CDKL3: variants seen among roughly 807,000 people sequenced by gnomAD.
CDKL3 encodes the protein cyclin dependent kinase like 3, also known as cyclin-dependent kinase-like 3.
CDKL3 carries 65 observed loss-of-function variants against 69.3 expected under a neutral mutation model. The ratio of observed to expected loss-of-function variants is 0.94; its 90% CI spans 0.77 to 1.15. The LOEUF (loss-of-function observed/expected upper bound fraction) is 1.15. Ranked by LOEUF, CDKL3 falls within the 50% of genes most tolerant of loss-of-function variation. The probability of loss-of-function intolerance (pLI) is 0.00; values close to 1 mark genes in which losing one functional copy is unlikely to be tolerated. For synonymous variants in CDKL3, 202 were observed against 221.6 expected (o/e 0.91, Z 0.79); for missense variants, 652 against 689.2 (o/e 0.95, Z 0.61).
intron 3 of CDKL3, among the ~76,000 whole-genome samples, chr5:134,355,394 T>C (rs1398970155): frequency 1.3e-5 from 2 of 152,038 alleles, no homozygotes; most frequent in African/African-American, 4.8e-5. Context: ...AATGGAGACA[T>C]CCCTGGGGAA....
chr5:134,359,774 A>G, intron 3 of CDKL3, 123 bp downstream of exon 3: 1 of 715,720 alleles, frequency 1.4e-6, no homozygotes, highest in Non-Finnish European at 2.2e-6. Context: ...CCCCATTTTC[A>G]GGATGTCTAT....
Position 134,308,399 on chromosome 5 carries a change from C to T in CDKL3, c.1103G>A (p.Gly368Glu), listed in dbSNP as rs769746159. ...TTTCTTTTTTGGTTCTGAGATATCT[C>T]CTCTTCCTCCTTTGACTTTAATAAC... ...VRVIKVKGGRGDISEPKKKEY... is the reference protein window; with the variant it reads ...VRVIKVKGGREDISEPKKKEY... The change falls in exon 9 of 13, where the codon GGA becomes GAA. Residue 368 changes from glycine (G) to glutamate (E), a missense_variant. Transcript: ENST00000265334. 6.2e-7 allele frequency: 1 copy of T among 1,613,414 alleles called. No individual in the cohort carries two copies. Among genetic ancestry groups the T allele is most frequent in the Non-Finnish European group, 8.5e-7 (1 of 1,179,788 alleles).
At chr5:134,367,869 C>T (rs1757827149), upstream of CDKL3, among the ~76,000 whole-genome samples, 1 of 152,196 alleles carries the variant, frequency 6.6e-6, no homozygotes, top group African/African-American at 2.4e-5. Flanking sequence ...AGGCCAGTGT[C>T]TAACTGCTTA....
downstream of CDKL3, among the ~76,000 whole-genome samples, chr5:134,286,004 C>T (rs1456053255): frequency 6.6e-6 from 1 of 152,186 alleles, no homozygotes; most frequent in Non-Finnish European, 1.5e-5. Context: ...TGCCTATAGT[C>T]CCAGTTACTC....
At chr5:134,316,046 G>A (rs534568823) in intron 6 of CDKL3, among the ~76,000 whole-genome samples, 34 of 152,232 alleles carry the variant, frequency 2.2e-4, no homozygotes, top group African/African-American at 7.9e-4. Flanking sequence ...CAACCTCCCA[G>A]GCTCAAGTGA....
chr5:134,290,583 G>A (rs1269751174), intron 8 of CDKL3, among the ~76,000 whole-genome samples: 1 of 152,120 alleles, frequency 6.6e-6, no homozygotes, highest in Non-Finnish European at 1.5e-5. Flanking sequence ...CAAAGAAGGG[G>A]AGAGGCATAC....
intron 3 of CDKL3, among the ~76,000 whole-genome samples, chr5:134,352,214 C>T (rs1270135489): frequency 6.6e-6 from 1 of 152,030 alleles, no homozygotes; most frequent in Non-Finnish European, 1.5e-5. Flanking sequence ...AAATGATTTC[C>T]TTCTATTTTT....
chr5:134,311,567 G>A (rs751921191), intron 7 of CDKL3, among the ~76,000 whole-genome samples: 8 of 151,988 alleles, frequency 5.3e-5, no homozygotes, highest in Non-Finnish European at 1.0e-4. Flanking sequence ...CATTTGGGAA[G>A]TGCATGCTAA....
chr5:134,295,011 C>CTTTTT (rs869256167), downstream of CDKL3, among the ~76,000 whole-genome samples: 50 of 100,400 alleles, frequency 5.0e-4, no homozygotes, highest in Non-Finnish European at 6.1e-4. Flanking sequence ...ATTTTTTTTT[C>CTTTTT]TTTTTTTTTT....
chr5:134,299,650 C>T (rs1765832113), intron 12 of CDKL3: 6 of 1,514,098 alleles, frequency 4.0e-6, no homozygotes, highest in Non-Finnish European at 4.4e-6. Flanking sequence ...TTTTAAAAAA[C>T]CATACAGTGA....
chr5:134,371,082 C>A (rs1758352886), upstream of CDKL3: 3 of 216,520 alleles, frequency 1.4e-5, no homozygotes, highest in Admixed American at 1.1e-4. Context: ...GATACTTCTC[C>A]CCCTCCCACT....
chr5:134,302,637 T>C lies in CDKL3; in HGVS notation c.1672A>G (p.Lys558Glu), dbSNP rs779218942. ...TCCACGTTAAGTAAAGTTGGTATCTTAGATGACTCTGTTTTCTTTGACTCC... is the reference window on the plus strand; with the variant it reads ...TCCACGTTAAGTAAAGTTGGTATCTCAGATGACTCTGTTTTCTTTGACTCC... ...KRESKKTESS[K>E]IPTLLNVDQN... The change falls in exon 12 of 13, where the codon AAG becomes GAG. Residue 558 changes from lysine to glutamate, a missense_variant. Transcript: ENST00000265334. 5.0e-6 allele frequency: 8 copies of C among 1,604,602 alleles called. No homozygotes were observed. The Admixed American group carries it at 5.1e-5, about 10-fold the overall frequency.
intron 6 of CDKL3, among the ~76,000 whole-genome samples, chr5:134,318,678 G>A (rs1243623703): frequency 6.6e-6 from 1 of 151,816 alleles, no homozygotes; most frequent in South Asian, 2.1e-4. Flanking sequence ...GTAGAGACGG[G>A]GTTTCACCAT....
At chr5:134,311,485 A>C (rs1316152543) in intron 7 of CDKL3, among the ~76,000 whole-genome samples, 1 of 152,232 alleles carries the variant, frequency 6.6e-6, no homozygotes, top group South Asian at 2.1e-4. Flanking sequence ...CAGCCTGGGC[A>C]ACAAAGCGAG....
intron 3 of CDKL3, among the ~76,000 whole-genome samples, chr5:134,357,244 TATC>T (rs1367364722): frequency 1.3e-5 from 2 of 151,752 alleles, no homozygotes; most frequent in Non-Finnish European, 2.9e-5. Flanking sequence ...AGGAGTTTGA[TATC>T]AGCCTGACCA....
intron 10 of CDKL3, 121 bp downstream of exon 10, chr5:134,306,488 T>TC (rs1163852919): frequency 1.6e-6 from 1 of 637,938 alleles, no homozygotes; most frequent in Non-Finnish European, 2.7e-6. Context: ...CAGAGAGAGA[T>TC]CCTCTCTCAA....
At chr5:134,313,184 T>G (rs1024995194) in intron 6 of CDKL3, among the ~76,000 whole-genome samples, 2 of 152,128 alleles carry the variant, frequency 1.3e-5, no homozygotes, top group African/African-American at 4.8e-5. Context: ...TCTCCCAAAG[T>G]GCTGGAATTA....
At chr5:134,325,813 G>A (rs754848191) in intron 4 of CDKL3, among the ~76,000 whole-genome samples, 5 of 151,782 alleles carry the variant, frequency 3.3e-5, no homozygotes, top group Non-Finnish European at 5.9e-5. Flanking sequence ...GCCCAGGCTG[G>A]AGTGCAGTGG....
chr5:134,371,466 G>A, upstream of CDKL3: 1 of 1,200,402 alleles, frequency 8.3e-7, no homozygotes, highest in Non-Finnish European at 1.2e-6. Flanking sequence ...AGGGTTGTTT[G>A]TCAGTCTCGG....
Sources: gnomAD v4.1 joint callset for allele counts (sites outside exome capture counted in the v4.1 genomes callset) on GRCh38, gnomAD v4.1.1 for gene constraint, MANE v1.5 for transcripts, NCBI Gene and HGNC (gene_info 2026-07-23, HGNC 2026-07-21) for gene names.